Variants in SNX13 observed in about 807,000 individuals in gnomAD.
SNX13 encodes sorting nexin 13, also known as sorting nexin-13.
Under a neutral mutation model 133.6 loss-of-function variants are expected in SNX13, and 45 were observed. The observed-to-expected ratio is 0.34, with a 90% CI of 0.27 to 0.43. SNX13 has a LOEUF of 0.43. Among genes scored for constraint, SNX13 ranks in the 20% least tolerant of loss-of-function variants. The probability of loss-of-function intolerance (pLI) is 1.00; values close to 1 mark genes in which losing one functional copy is unlikely to be tolerated. For synonymous variants in SNX13, 414 were observed against 373.9 expected (o/e 1.11, Z -1.24); for missense variants, 1,032 against 1,145.1 (o/e 0.90, Z 1.43).
chr7:17,851,202 G>C (rs967602453), intron 9 of SNX13, among the ~76,000 whole-genome samples: 8 of 152,216 alleles, frequency 5.3e-5, no homozygotes, highest in African/African-American at 1.9e-4. Flanking sequence ...CACAGTATTT[G>C]ATGATAGCAA....
At chr7:17,907,242 TACTC>T (rs1281758633) in intron 1 of SNX13, 2 of 152,172 alleles carry the variant, frequency 1.3e-5, no homozygotes, top group South Asian at 2.1e-4. Flanking sequence ...TAACCTCTAT[TACTC>T]ACTCAATCTC....
chr7:17,883,957 T>G (rs1562842920), intron 5 of SNX13, among the ~76,000 whole-genome samples: 1 of 152,210 alleles, frequency 6.6e-6, no homozygotes, highest in Non-Finnish European at 1.5e-5. Flanking sequence ...ATTTGCATTT[T>G]GTCCGTAGCT....
At chr7:17,848,164 G>A (rs756255041) in intron 11 of SNX13, among the ~76,000 whole-genome samples, 102 of 152,136 alleles carry the variant, frequency 6.7e-4, no homozygotes, top group Non-Finnish European at 1.3e-3. Context: ...GGAGAGAAGC[G>A]GCTCAACTTC....
chr7:17,796,689 T>C, intron 25 of SNX13, 138 bp downstream of exon 25: 1 of 650,838 alleles, frequency 1.5e-6, no homozygotes, highest in Non-Finnish European at 2.8e-6. Context: ...GAGAAATGCC[T>C]AGTACAGTGC....
Position 17,902,035 on chromosome 7 carries a change from T to A in SNX13, c.13-4589A>T, listed in dbSNP as rs1172365625. Among the ~76,000 whole-genome samples, 4 of 152,360 alleles carry A rather than the reference T, an allele frequency of 2.6e-5. No individual in the cohort carries two copies. The East Asian group carries it at 7.7e-4, about 29-fold the overall frequency. ...AATGAGTTGATATGGAGAAGATTCA[T>A]GCACCAATTTGTCAACAAGGGGAAA... On this transcript the variant is annotated intron_variant, in intron 1 of 25. Coordinates refer to ENST00000428135, the MANE Select transcript of SNX13 (RefSeq NM_015132.5).
chr7:17,844,240 CTAAT>C (rs1583448925), intron 12 of SNX13, among the ~76,000 whole-genome samples: 1 of 151,840 alleles, frequency 6.6e-6, no homozygotes, highest in East Asian at 1.9e-4. Context: ...GGGGATATTA[CTAAT>C]GACTCTACAA....
intron 24 of SNX13, 92 bp downstream of exon 24, chr7:17,798,598 C>T: frequency 1.0e-6 from 1 of 958,976 alleles, no homozygotes; most frequent in South Asian, 1.5e-5. Context: ...ACTTTATGTC[C>T]AGGAAGGAAA....
At chr7:17,832,152 T>C in intron 15 of SNX13, 1 of 984,318 alleles carries the variant, frequency 1.0e-6, no homozygotes, top group Non-Finnish European at 1.2e-6. Flanking sequence ...GAAGCATATT[T>C]ACTTCAGATC....
At chr7:17,802,054 C>T (rs1441082522) in intron 21 of SNX13, among the ~76,000 whole-genome samples, 4 of 151,802 alleles carry the variant, frequency 2.6e-5, no homozygotes, top group Non-Finnish European at 5.9e-5. Flanking sequence ...TTTTCTGTGT[C>T]GATATATTTA....
Position 17,798,701 on chromosome 7 carries a change from C to T in SNX13, c.2502G>A (p.Val834=). The change falls in exon 24 of 26, where the codon GTG becomes GTA. Residue 834 remains valine, a synonymous_variant. Coordinates refer to ENST00000428135, the MANE Select transcript of SNX13 (RefSeq NM_015132.5). ...MTSPEQVADS[V]KRFRDAFWPN... is the part of the protein sequence containing the mutation. ...GTCTTAAGATATACCTGAAACGTTT[C>T]ACTGAGTCGGCTACTTGTTCAGGTG... is the stretch of plus-strand genomic sequence containing the variant. 1.9e-6 allele frequency: 3 copies of T among 1,577,434 alleles called. No individual in the cohort carries two copies. The South Asian group carries it at 3.5e-5, about 19-fold the overall frequency.
chr7:17,857,969 A>C (rs1253902928), intron 9 of SNX13, among the ~76,000 whole-genome samples: 4 of 152,202 alleles, frequency 2.6e-5, no homozygotes, highest in Non-Finnish European at 5.9e-5. Context: ...CATTCAATAA[A>C]ATTCAACATG....
rs146497813 is a variant in SNX13 at position 17,854,856 on chromosome 7, G to T, written c.838-3892C>A. Reference sequence around the variant, plus strand: ...CTTAAGCGTTCAAGCAAAAGGAAGAGCCACATATCTTTCATTTTCAATCAA... The same window carrying T: ...CTTAAGCGTTCAAGCAAAAGGAAGATCCACATATCTTTCATTTTCAATCAA... On this transcript the variant is annotated intron_variant, in intron 9 of 25. Coordinates refer to ENST00000428135, the MANE Select transcript of SNX13 (RefSeq NM_015132.5). 4.5e-4 allele frequency among the ~76,000 whole-genome samples: 68 copies of T among 152,246 alleles called. 3 individuals are homozygous for T. The East Asian group carries it at 0.013, about 28-fold the overall frequency.
chr7:17,839,213 T>A (rs1330735686), intron 13 of SNX13, among the ~76,000 whole-genome samples: 2 of 149,432 alleles, frequency 1.3e-5, no homozygotes, highest in East Asian at 3.9e-4. Flanking sequence ...TTATAGTGTA[T>A]TACATATATT....
At chr7:17,817,648 G>A (rs959705697) in intron 18 of SNX13, among the ~76,000 whole-genome samples, 2 of 152,002 alleles carry the variant, frequency 1.3e-5, no homozygotes, top group Admixed American at 1.3e-4. Flanking sequence ...AAAGGGTAGA[G>A]GTAATTTATA....
intron 9 of SNX13, among the ~76,000 whole-genome samples, chr7:17,864,840 AGG>A (rs1481222820): frequency 2.6e-5 from 4 of 151,856 alleles, no homozygotes; most frequent in African/African-American, 9.7e-5. Context: ...GAGGAGGAGG[AGG>A]AGGAGCAGCA....
chr7:17,918,597 C>T (rs1799804735), intron 1 of SNX13, among the ~76,000 whole-genome samples: 2 of 151,892 alleles, frequency 1.3e-5, no homozygotes, highest in East Asian at 3.9e-4. Context: ...ATTAAAAAGT[C>T]AAAAAATAAC....
intron 1 of SNX13, among the ~76,000 whole-genome samples, chr7:17,914,668 C>G (rs1022252069): frequency 6.6e-6 from 1 of 152,192 alleles, no homozygotes; most frequent in Non-Finnish European, 1.5e-5. Flanking sequence ...CCTTCCCAGA[C>G]AGTCACTAAA....
chr7:17,812,913 C>T (rs991582580), intron 20 of SNX13, among the ~76,000 whole-genome samples: 1 of 151,840 alleles, frequency 6.6e-6, no homozygotes, highest in Non-Finnish European at 1.5e-5. Flanking sequence ...CCAAACACCA[C>T]ACGTTCTCAC....
At chr7:17,878,533 A>T (rs1309454689) in intron 5 of SNX13, among the ~76,000 whole-genome samples, 1 of 152,176 alleles carries the variant, frequency 6.6e-6, no homozygotes, top group East Asian at 1.9e-4. Flanking sequence ...TGTCTCTCTG[A>T]ACATAAATTT....
Sources: gnomAD v4.1 joint callset for allele counts (sites outside exome capture counted in the v4.1 genomes callset) on GRCh38, gnomAD v4.1.1 for gene constraint, MANE v1.5 for transcripts, NCBI Gene and HGNC (gene_info 2026-07-23, HGNC 2026-07-21) for gene names.